Variants in XKR6 observed in about 807,000 individuals in gnomAD.
XKR6 encodes XK related 6.
XKR6 carries 22 observed loss-of-function variants against 56.7 expected under a neutral mutation model. The ratio of observed to expected loss-of-function variants is 0.39; its 90% CI spans 0.28 to 0.55. XKR6 has a LOEUF of 0.55. Ranked by LOEUF, XKR6 falls within the 20% of genes least tolerant of loss-of-function variation. The probability of loss-of-function intolerance (pLI) is 0.66; values close to 1 mark genes in which losing one functional copy is unlikely to be tolerated. For missense variants in XKR6, 852 were observed against 889.0 expected (o/e 0.96, Z 0.53); for synonymous variants, 524 against 387.8 (o/e 1.35, Z -4.13).
At chr8:10,947,756 A>G (rs1013416648) in intron 1 of XKR6, among the ~76,000 whole-genome samples, 3 of 152,170 alleles carry the variant, frequency 2.0e-5, no homozygotes, top group South Asian at 2.1e-4. Context: ...GTCCCTTGAG[A>G]ATAGCCCACC....
At chr8:11,059,642 G>A (rs1317022885) in intron 1 of XKR6, among the ~76,000 whole-genome samples, 1 of 150,912 alleles carries the variant, frequency 6.6e-6, no homozygotes, top group African/African-American at 2.4e-5. Flanking sequence ...GGGGCGGGGC[G>A]GGACAGGTGC....
chr8:10,973,248 C>A (rs1227837773), intron 1 of XKR6, among the ~76,000 whole-genome samples: 2 of 152,126 alleles, frequency 1.3e-5, no homozygotes, highest in African/African-American at 4.8e-5. Flanking sequence ...CATATATGTC[C>A]CAGTGTCTTA....
At chr8:10,964,167 G>C (rs545695171) in intron 1 of XKR6, among the ~76,000 whole-genome samples, 2 of 152,136 alleles carry the variant, frequency 1.3e-5, no homozygotes, top group Admixed American at 1.3e-4. Flanking sequence ...ACCTCCCCAG[G>C]GCAGGGGCTG....
At chr8:10,911,673 A>T (rs1800374393) in intron 2 of XKR6, among the ~76,000 whole-genome samples, 1 of 148,752 alleles carries the variant, frequency 6.7e-6, no homozygotes, top group African/African-American at 2.5e-5. Context: ...CTATAAAGAG[A>T]AAAAGAGAGG....
chr8:11,113,572 G>GA (rs1169832707), intron 1 of XKR6, among the ~76,000 whole-genome samples: 2 of 151,624 alleles, frequency 1.3e-5, no homozygotes, highest in Admixed American at 1.3e-4. Context: ...CTTTAACATA[G>GA]AAAAAAAAGT....
intron 1 of XKR6, chr8:11,108,154 A>AT (rs1271143591): frequency 2.6e-6 from 1 of 382,920 alleles, no homozygotes; most frequent in East Asian, 7.4e-5. Context: ...TTCTAATCAG[A>AT]TAATCGGGTG....
chr8:11,107,019 T>C (rs1179525075), intron 1 of XKR6, among the ~76,000 whole-genome samples: 2 of 151,704 alleles, frequency 1.3e-5, no homozygotes, highest in African/African-American at 4.9e-5. Context: ...ACTGAAAACC[T>C]CCCATCCCCA....
intron 1 of XKR6, among the ~76,000 whole-genome samples, chr8:11,059,711 TC>T (rs1242983934): frequency 6.9e-6 from 1 of 145,640 alleles, no homozygotes; most frequent in African/African-American, 2.5e-5. Context: ...GCGTCTCTGT[TC>T]CCCGGCTCCC....
intron 1 of XKR6, among the ~76,000 whole-genome samples, chr8:11,142,528 A>G (rs995403925): frequency 1.3e-5 from 2 of 152,120 alleles, no homozygotes; most frequent in African/African-American, 4.8e-5. Flanking sequence ...GCTTAACACC[A>G]TCTCCTTGGT....
At chr8:11,006,833 C>A (rs1037420618) in intron 1 of XKR6, among the ~76,000 whole-genome samples, 1 of 152,244 alleles carries the variant, frequency 6.6e-6, no homozygotes, top group Non-Finnish European at 1.5e-5. Context: ...TACCAGCTAC[C>A]AGCTGCCTCC....
intron 1 of XKR6, among the ~76,000 whole-genome samples, chr8:11,179,179 T>C (rs746172399): frequency 6.6e-6 from 1 of 152,030 alleles, no homozygotes; most frequent in Non-Finnish European, 1.5e-5. Context: ...TTCATTTTGA[T>C]TGGTTTCGGT....
chr8:10,902,646 C>T (rs1253186557), intron 2 of XKR6, among the ~76,000 whole-genome samples: 3 of 152,218 alleles, frequency 2.0e-5, no homozygotes, highest in Non-Finnish European at 2.9e-5. Flanking sequence ...CTTCAGGGTT[C>T]GAACGCCAGG....
chr8:11,086,618 A>T (rs978095051), intron 1 of XKR6, among the ~76,000 whole-genome samples: 1 of 152,234 alleles, frequency 6.6e-6, no homozygotes, highest in African/African-American at 2.4e-5. Context: ...GTCAAGTTGC[A>T]CACACTAGAA....
chr8:11,004,207 C>T (rs943011203), intron 1 of XKR6, among the ~76,000 whole-genome samples: 10 of 152,294 alleles, frequency 6.6e-5, no homozygotes, highest in African/African-American at 1.9e-4. Flanking sequence ...GGCGTGGTGG[C>T]TCACGCCTGT....
At chr8:11,109,679 G>A (rs1047584589) in intron 1 of XKR6, 2 of 152,128 alleles carry the variant, frequency 1.3e-5, no homozygotes, top group East Asian at 1.9e-4. Flanking sequence ...TTCTTGGGTC[G>A]CTTTCATTTG....
intron 1 of XKR6, among the ~76,000 whole-genome samples, chr8:10,971,482 G>A (rs971199394): frequency 1.3e-5 from 2 of 151,722 alleles, no homozygotes; most frequent in African/African-American, 4.8e-5. Flanking sequence ...ATAAAATTAC[G>A]AGCAGCCTCC....
chr8:11,163,651 C>T (rs1251485855), intron 1 of XKR6, among the ~76,000 whole-genome samples: 2 of 152,226 alleles, frequency 1.3e-5, no homozygotes, highest in Non-Finnish European at 2.9e-5. Flanking sequence ...GAACGCATTG[C>T]TTTGTTGTTT....
chr8:11,007,666 C>G (rs1471658582), intron 1 of XKR6, among the ~76,000 whole-genome samples: 2 of 152,034 alleles, frequency 1.3e-5, no homozygotes, highest in African/African-American at 2.4e-5. Flanking sequence ...AGGCAGGAAA[C>G]AAACAAACAA....
intron 1 of XKR6, among the ~76,000 whole-genome samples, chr8:11,116,163 T>G (rs1799162246): frequency 1.3e-5 from 2 of 152,340 alleles, no homozygotes; most frequent in South Asian, 4.1e-4. Context: ...TGGTCTTATG[T>G]GCAAGCAGTG....
Sources: gnomAD v4.1 joint callset for allele counts (sites outside exome capture counted in the v4.1 genomes callset) on GRCh38, gnomAD v4.1.1 for gene constraint, MANE v1.5 for transcripts, NCBI Gene and HGNC (gene_info 2026-07-23, HGNC 2026-07-21) for gene names.